Variants in ALK observed in about 807,000 individuals in gnomAD.
ALK encodes the protein ALK receptor tyrosine kinase.
A neutral mutation model predicts 163.1 loss-of-function variants in ALK; 74 were observed. The observed-to-expected ratio is 0.45, with a 90% CI of 0.38 to 0.55. The LOEUF is 0.55. Among genes scored for constraint, ALK ranks in the 20% least tolerant of loss-of-function variants. The pLI is 0.00. For synonymous variants in ALK, 960 were observed against 843.2 expected (o/e 1.14, Z -2.40); for missense variants, 2,063 against 2,105.3 (o/e 0.98, Z 0.39).
intron 1 of ALK, among the ~76,000 whole-genome samples, chr2:29,766,216 T>G (rs1002224380): frequency 6.6e-6 from 1 of 152,198 alleles, no homozygotes; most frequent in African/African-American, 2.4e-5. Flanking sequence ...CAGCAATAGT[T>G]CCAATTCAGA....
intron 5 of ALK, among the ~76,000 whole-genome samples, chr2:29,357,123 G>C (rs1215743175): frequency 6.6e-6 from 1 of 152,160 alleles, no homozygotes; most frequent in Non-Finnish European, 1.5e-5. Context: ...TGAGTTTTAG[G>C]TTCTCTGTCT....
chr2:29,794,764 G>A (rs1664266452), intron 1 of ALK, among the ~76,000 whole-genome samples: 1 of 152,078 alleles, frequency 6.6e-6, no homozygotes, highest in Admixed American at 6.6e-5. Flanking sequence ...ATGGTTTGTG[G>A]CATCCCAATG....
intron 13 of ALK, among the ~76,000 whole-genome samples, chr2:29,236,652 C>G (rs1664392895): frequency 6.6e-6 from 1 of 152,140 alleles, no homozygotes; most frequent in African/African-American, 2.4e-5. Context: ...GCCGCCCTTT[C>G]CTCACATGAC....
rs559917476 is a variant in ALK at position 29,385,389 on chromosome 2, T to C, written c.1155-1530A>G. On this transcript the variant is annotated intron_variant, in intron 4 of 28. Coordinates refer to ENST00000389048, the MANE Select transcript of ALK (RefSeq NM_004304.5). ...GAAACAACCTGTCAGGTTGTTTTTT[T>C]TTTTTTTTTTCTGTCTTGAGACAGG... 2.0e-5 allele frequency among the ~76,000 whole-genome samples: 3 copies of C among 151,592 alleles called. No individual in the cohort carries two copies. The East Asian group carries it at 5.8e-4, about 29-fold the overall frequency.
At chr2:29,816,225 C>T (rs892976360) in intron 1 of ALK, among the ~76,000 whole-genome samples, 1 of 152,126 alleles carries the variant, frequency 6.6e-6, no homozygotes, top group African/African-American at 2.4e-5. Context: ...TTCAGGCAAG[C>T]AGGAATAACA....
At chr2:29,225,849 G>A (rs1214102404) in intron 18 of ALK, among the ~76,000 whole-genome samples, 6 of 152,288 alleles carry the variant, frequency 3.9e-5, no homozygotes, top group African/African-American at 1.4e-4. Context: ...TATGGGGTGA[G>A]GATGGAAGGT....
intron 3 of ALK, among the ~76,000 whole-genome samples, chr2:29,631,171 C>T (rs956368547): frequency 7.2e-5 from 11 of 152,194 alleles, no homozygotes; most frequent in African/African-American, 2.2e-4. Flanking sequence ...TCATAGATAT[C>T]GCTCATTTTC....
chr2:29,779,216 T>G (rs1230360155), intron 1 of ALK, among the ~76,000 whole-genome samples: 1 of 151,834 alleles, frequency 6.6e-6, no homozygotes, highest in Non-Finnish European at 1.5e-5. Flanking sequence ...TTACTAGGCC[T>G]CTAGGAAGGG....
At chr2:29,301,088 A>G (rs1666355129) in intron 8 of ALK, among the ~76,000 whole-genome samples, 1 of 152,190 alleles carries the variant, frequency 6.6e-6, no homozygotes, top group Non-Finnish European at 1.5e-5. Flanking sequence ...TCACCTAGCA[A>G]TCCACACAAG....
chr2:29,456,929 A>G (rs779658755), intron 4 of ALK, among the ~76,000 whole-genome samples: 8 of 152,200 alleles, frequency 5.3e-5, no homozygotes, highest in Non-Finnish European at 7.3e-5. Context: ...GAATAACTGA[A>G]AAGTGGCCAC....
At chr2:29,247,166 C>A (rs529798810) in intron 12 of ALK, among the ~76,000 whole-genome samples, 2 of 150,228 alleles carry the variant, frequency 1.3e-5, no homozygotes, top group South Asian at 4.2e-4. Flanking sequence ...GCGGCAGCGC[C>A]TTTCCCCCGG....
At chr2:29,429,353 A>C (rs1670220486) in intron 4 of ALK, among the ~76,000 whole-genome samples, 1 of 152,052 alleles carries the variant, frequency 6.6e-6, no homozygotes, top group African/African-American at 2.4e-5. Context: ...TGTGTATAGA[A>C]AATTCTAAGA....
At chr2:29,633,236 C>G (rs770654344) in intron 3 of ALK, among the ~76,000 whole-genome samples, 1 of 152,088 alleles carries the variant, frequency 6.6e-6, no homozygotes, top group African/African-American at 2.4e-5. Flanking sequence ...ATAGTCATAA[C>G]AGTGATCATG....
chr2:29,403,095 C>T (rs971438716), intron 4 of ALK, among the ~76,000 whole-genome samples: 1 of 152,170 alleles, frequency 6.6e-6, no homozygotes, highest in Admixed American at 6.5e-5. Context: ...GAATCATCAG[C>T]AGACCAGGCC....
At chr2:29,685,183 C>A (rs187502635) in intron 3 of ALK, among the ~76,000 whole-genome samples, 44 of 152,154 alleles carry the variant, frequency 2.9e-4, no homozygotes, top group Admixed American at 5.2e-4. Context: ...TGGCAGCTCA[C>A]CCCAGCCCCT....
intron 1 of ALK, among the ~76,000 whole-genome samples, chr2:29,787,047 G>A (rs1664050694): frequency 6.6e-6 from 1 of 152,004 alleles, no homozygotes; most frequent in African/African-American, 2.4e-5. Context: ...TGCCCGCCTT[G>A]GCCTCCCAAA....
chr2:29,606,796 C>T (rs981890788), intron 3 of ALK, among the ~76,000 whole-genome samples: 1 of 152,190 alleles, frequency 6.6e-6, no homozygotes, highest in East Asian at 1.9e-4. Context: ...TCTGACTCTA[C>T]AGAAAAGTCT....
At chr2:29,749,431 G>A (rs1352568876) in intron 1 of ALK, among the ~76,000 whole-genome samples, 1 of 152,184 alleles carries the variant, frequency 6.6e-6, no homozygotes, top group East Asian at 1.9e-4. Context: ...CACCCACTCA[G>A]AGAACAAATA....
At chr2:29,577,816 C>T (rs1257316633) in intron 3 of ALK, among the ~76,000 whole-genome samples, 1 of 152,210 alleles carries the variant, frequency 6.6e-6, no homozygotes, top group Non-Finnish European at 1.5e-5. Flanking sequence ...TTTCTGGCAA[C>T]CTAAATGGAC....
Sources: gnomAD v4.1 joint callset for allele counts (sites outside exome capture counted in the v4.1 genomes callset) on GRCh38, gnomAD v4.1.1 for gene constraint, MANE v1.5 for transcripts, NCBI Gene and HGNC (gene_info 2026-07-23, HGNC 2026-07-21) for gene names.